Variants in PLLP observed in about 807,000 individuals in gnomAD.
PLLP encodes the protein plasmolipin.
Under a neutral mutation model 19.7 loss-of-function variants are expected in PLLP, and 15 were observed. The observed-to-expected ratio is 0.76, with a 90% CI of 0.51 to 1.17. PLLP has a LOEUF of 1.17. Ranked by LOEUF, PLLP falls within the 50% of genes most tolerant of loss-of-function variation. The pLI is 0.00. For missense variants in PLLP, 255 were observed against 258.3 expected (o/e 0.99, Z 0.09); for synonymous variants, 111 against 116.3 (o/e 0.95, Z 0.29).
At chr16:57,258,130 C>A (rs2075431497) in intron 3 of PLLP, among the ~76,000 whole-genome samples, 1 of 152,134 alleles carries the variant, frequency 6.6e-6, no homozygotes, top group African/African-American at 2.4e-5. Context: ...ACTTGGGAGG[C>A]TGAGTCAGGA....
At chr16:57,265,098 C>A (rs1361224852) in intron 1 of PLLP, among the ~76,000 whole-genome samples, 2 of 152,208 alleles carry the variant, frequency 1.3e-5, no homozygotes, top group Non-Finnish European at 2.9e-5. Flanking sequence ...ACCCTGCCAG[C>A]CTCTGCTGCC....
chr16:57,280,329 C>T lies in PLLP; in HGVS notation c.135+4077G>A, dbSNP rs145334853. On this transcript the variant is annotated intron_variant, in intron 1 of 3. Coordinates refer to ENST00000219207, the MANE Select transcript of PLLP (RefSeq NM_015993.3). The stretch of plus-strand genomic sequence containing the variant: ...AGTAAATCCAGATAAGATCATCCTT[C>T]TCCCCACGGCTTGGGGAGGCTTGAA... 4.3e-3 allele frequency among the ~76,000 whole-genome samples: 648 copies of T among 152,312 alleles called. 3 individuals carry two copies. Among genetic ancestry groups the T allele is most frequent in the Middle Eastern group, 0.01 (3 of 294 alleles).
intron 1 of PLLP, among the ~76,000 whole-genome samples, chr16:57,275,093 T>TCACACA (rs60029615): frequency 0.049 from 6,003 of 121,344 alleles, 115 homozygotes; most frequent in African/African-American, 0.058. Context: ...TCCAGGGACT[T>TCACACA]CACACACACA....
intron 1 of PLLP, 107 bp downstream of exon 1, chr16:57,284,299 G>T: frequency 2.0e-6 from 2 of 1,018,886 alleles, no homozygotes; most frequent in Non-Finnish European, 2.6e-6. Flanking sequence ...GAGCCCGGGT[G>T]GGGAGCGCAA....
intron 1 of PLLP, among the ~76,000 whole-genome samples, chr16:57,270,160 GCCCCC>G: frequency 6.6e-6 from 1 of 151,846 alleles, no homozygotes; most frequent in African/African-American, 2.4e-5. Flanking sequence ...TCCTTCCATG[GCCCCC>G]GAGTCCAAAC....
intron 1 of PLLP, among the ~76,000 whole-genome samples, chr16:57,276,283 C>T (rs1288163643): frequency 6.6e-6 from 1 of 151,924 alleles, no homozygotes; most frequent in Non-Finnish European, 1.5e-5. Context: ...ATGGTGAAAC[C>T]CTGTCTCTAC....
chr16:57,260,814 T>C (rs2075439711), intron 2 of PLLP, among the ~76,000 whole-genome samples: 1 of 152,204 alleles, frequency 6.6e-6, no homozygotes, highest in Non-Finnish European at 1.5e-5. Flanking sequence ...CTCCCAGGCC[T>C]CAGGGCCTCA....
intron 1 of PLLP, among the ~76,000 whole-genome samples, chr16:57,274,654 T>C (rs1901126076): frequency 6.6e-6 from 1 of 151,864 alleles, no homozygotes; most frequent in South Asian, 2.1e-4. Context: ...GGTCTCACCA[T>C]GTTGGCCAGG....
intron 1 of PLLP, among the ~76,000 whole-genome samples, chr16:57,269,808 C>T (rs1053155470): frequency 2.2e-4 from 33 of 152,292 alleles, no homozygotes; most frequent in African/African-American, 7.9e-4. Context: ...CTTTGTTGCC[C>T]AGGCTGGAGT....
chr16:57,275,112 C>G (rs1204649840), intron 1 of PLLP, among the ~76,000 whole-genome samples: 1 of 119,212 alleles, frequency 8.4e-6, no homozygotes, highest in Non-Finnish European at 1.9e-5. Flanking sequence ...CACACACACA[C>G]ACACACACAC....
At position 57,284,493 on chromosome 16, in the gene PLLP, C is replaced by A. The variant is rs570066776; in HGVS notation, c.48G>T (p.Ala16=). 3.5e-6 allele frequency: 5 copies of A among 1,430,598 alleles called. No individual in the cohort carries two copies. The South Asian group carries it at 5.8e-5, about 17-fold the overall frequency. The allele number at this position is 1,430,598 out of a possible 1,614,324, so 88.6% of individuals were successfully genotyped here. A position where few individuals can be genotyped will look rare whatever the true frequency, so the allele number is the denominator to read the frequency against. ...SKVSTRTSSP[A]QGAEASVSAL... ...CCGACACCGAGGCTTCGGCGCCCTG[C>A]GCAGGACTGCTGGTCCGCGTGCTAA... Residue 16 remains alanine (A), a synonymous_variant, in exon 1 of 4, where the codon GCG becomes GCT. Coordinates refer to ENST00000219207, the MANE Select transcript of PLLP (RefSeq NM_015993.3).
intron 1 of PLLP, among the ~76,000 whole-genome samples, chr16:57,265,076 C>G (rs1024662280): frequency 2.6e-5 from 4 of 152,228 alleles, no homozygotes; most frequent in South Asian, 2.1e-4. Context: ...GATCCACCCC[C>G]CAACACACAG....
intron 1 of PLLP, among the ~76,000 whole-genome samples, chr16:57,283,825 C>A (rs1328624589): frequency 6.6e-6 from 1 of 152,104 alleles, no homozygotes; most frequent in Non-Finnish European, 1.5e-5. Context: ...CCCGCGCGGG[C>A]GCCCACAGGG....
chr16:57,280,456 C>T (rs1901205584), intron 1 of PLLP, among the ~76,000 whole-genome samples: 1 of 151,320 alleles, frequency 6.6e-6, no homozygotes, highest in African/African-American at 2.5e-5. Context: ...CATTCTTCCA[C>T]CTGAGCTACA....
chr16:57,271,728 C>G (rs2075476402), intron 1 of PLLP, among the ~76,000 whole-genome samples: 1 of 152,098 alleles, frequency 6.6e-6, no homozygotes, highest in South Asian at 2.1e-4. Context: ...CCGTTCCCAT[C>G]CTGCCCTCTG....
At chr16:57,284,254 C>T (rs1412675382) in intron 1 of PLLP, 152 bp downstream of exon 1, 2 of 688,350 alleles carry the variant, frequency 2.9e-6, no homozygotes, top group Non-Finnish European at 2.1e-6. Flanking sequence ...GCGGGAAGCG[C>T]CCTAGGGGTA....
chr16:57,268,243 C>T (rs2075463784), intron 1 of PLLP, among the ~76,000 whole-genome samples: 1 of 152,198 alleles, frequency 6.6e-6, no homozygotes, highest in African/African-American at 2.4e-5. Context: ...TTTGTTACGG[C>T]AGCCCCAGGA....
intron 1 of PLLP, among the ~76,000 whole-genome samples, chr16:57,268,852 A>C (rs569854256): frequency 1.2e-4 from 19 of 152,328 alleles, no homozygotes; most frequent in Admixed American, 3.3e-4. Flanking sequence ...TGGGTTTTCA[A>C]GTCAGGCCCT....
chr16:57,256,751 C>T lies in PLLP; in HGVS notation c.*162G>A, dbSNP rs778658898. ...ATGCCTGCCAGCCTGGGCCTGCTTCCTTAGCGCTGTGAGAGCTTATGTCTG... is the reference window on the plus strand; with the variant it reads ...ATGCCTGCCAGCCTGGGCCTGCTTCTTTAGCGCTGTGAGAGCTTATGTCTG... On this transcript the variant is annotated 3_prime_UTR_variant, in exon 4 of 4. Transcript: ENST00000219207. 3.9e-5 allele frequency: 23 copies of T among 593,246 alleles called. No individual in the cohort carries two copies. Among genetic ancestry groups the T allele is most frequent in the Non-Finnish European group, 6.3e-5 (21 of 333,262 alleles). The allele number at this position is 593,246 out of a possible 1,614,324, so 36.7% of individuals were successfully genotyped here. A position where few individuals can be genotyped will look rare whatever the true frequency, so the allele number is the denominator to read the frequency against.
Sources: gnomAD v4.1 joint callset for allele counts (sites outside exome capture counted in the v4.1 genomes callset) on GRCh38, gnomAD v4.1.1 for gene constraint, MANE v1.5 for transcripts, NCBI Gene and HGNC (gene_info 2026-07-23, HGNC 2026-07-21) for gene names.